DNAH17: variants seen among roughly 807,000 people sequenced by gnomAD.
DNAH17 encodes dynein axonemal heavy chain 17, also known as axonemal beta dynein heavy chain 17.
DNAH17 carries 376 observed loss-of-function variants against 485.6 expected under a neutral mutation model. The ratio of observed to expected loss-of-function variants is 0.77; its 90% CI spans 0.71 to 0.84. The LOEUF (loss-of-function observed/expected upper bound fraction) is 0.84. Ranked by LOEUF, DNAH17 falls within the 40% of genes least tolerant of loss-of-function variation. DNAH17 has a pLI of 0.00. For synonymous variants in DNAH17, 3,031 were observed against 2,405.9 expected, an observed-to-expected ratio of 1.26 and a Z score of -7.60; for missense variants, 6,370 against 5,839.3, an observed-to-expected ratio of 1.09 and a Z score of -2.96.
intron 72 of DNAH17, among the ~76,000 whole-genome samples, 160 bp downstream of exon 72, chr17:78,440,888 CTCG>C (rs1362606987): frequency 6.6e-6 from 1 of 152,230 alleles, no homozygotes; most frequent in Non-Finnish European, 1.5e-5. Flanking sequence ...GGCCTCACAA[CTCG>C]TGTTATTTTC....
intron 17 of DNAH17, among the ~76,000 whole-genome samples, chr17:78,543,526 A>T (rs965497601): frequency 6.7e-6 from 1 of 150,080 alleles, no homozygotes; most frequent in Non-Finnish European, 1.5e-5. Context: ...TCCTGACCTC[A>T]TGATCCACCC....
intron 14 of DNAH17, among the ~76,000 whole-genome samples, chr17:78,554,205 C>T (rs370084307): frequency 4.6e-5 from 7 of 151,936 alleles, no homozygotes; most frequent in East Asian, 3.8e-4. Flanking sequence ...TTTGGGAGGC[C>T]GAGGCAGGCA....
intron 9 of DNAH17, among the ~76,000 whole-genome samples, chr17:78,568,233 T>C (rs911672273): frequency 1.3e-5 from 2 of 152,096 alleles, no homozygotes; most frequent in African/African-American, 2.4e-5. Flanking sequence ...TGGCCCAAAG[T>C]GTGACTGTGA....
Position 78,427,033 on chromosome 17 carries a change from C to A in DNAH17, c.12664G>T (p.Ala4222Ser). ...FNMAEIMAKA[A>S]EKTPYVVVAF... ...ACTACCACGTAGGGGGTCTTTTCCG[C>A]TGCCTTTGCCATGATCTCAGCCATG... The change falls in exon 78 of 81, where the codon GCG becomes TCG. Residue 4222 changes from alanine to serine, a missense_variant. Ala to Ser is a moderately conservative substitution (Grantham distance 99, BLOSUM62 1). Transcript: ENST00000389840. The A allele has an allele frequency of 6.2e-7, 1 of 1,605,290 alleles. No individual in the cohort carries two copies. Among genetic ancestry groups the A allele is most frequent in the East Asian group, 2.2e-5 (1 of 44,636 alleles).
chr17:78,461,706 C>T lies in DNAH17; in HGVS notation c.9177G>A (p.Val3059=), dbSNP rs1045928001. The T allele has an allele frequency of 6.2e-6, 10 of 1,609,612 alleles. No individual in the cohort carries two copies. The highest frequency in any genetic ancestry group is 8.5e-6 in the Non-Finnish European group (10 of 1,178,144). The change falls in exon 58 of 81, where the codon GTG becomes GTA. Residue 3059 remains valine (V), a splice_region_variant and synonymous_variant. Coordinates refer to ENST00000389840, the MANE Select transcript of DNAH17 (RefSeq NM_173628.4). ...TCGCCAACTTGGCTTTCAAATCATCCACCTGGGGAAGGAGAAACCGAGAAA... is the reference window on the plus strand; with the variant it reads ...TCGCCAACTTGGCTTTCAAATCATCTACCTGGGGAAGGAGAAACCGAGAAA... ...LMKLQSTASQ[V]DDLKAKLAIQ... is the part of the protein sequence containing the mutation.
intron 54 of DNAH17, among the ~76,000 whole-genome samples, chr17:78,469,777 G>T (rs377132466): frequency 6.6e-6 from 1 of 152,182 alleles, no homozygotes; most frequent in African/African-American, 2.4e-5. Flanking sequence ...GCTATAGCAC[G>T]GACAGACCTT....
chr17:78,476,768 T>C, intron 51 of DNAH17, 35 bp from the exon 52 acceptor site: 1 of 1,601,220 alleles, frequency 6.2e-7, no homozygotes, highest in Non-Finnish European at 8.5e-7. Context: ...CACCGTCAGC[T>C]GTTACGAAGG....
In DNAH17 at chr17:78,463,405, C is replaced by A. The variant is rs140381031; in HGVS notation, c.8941-328G>T. On this transcript the variant is annotated intron_variant, in intron 56 of 80. Coordinates refer to ENST00000389840, the MANE Select transcript of DNAH17 (RefSeq NM_173628.4). The stretch of plus-strand genomic sequence containing the variant: ...ATACCTGCATATATACGCGTGCACA[C>A]GCATTCACATACCTGCATATATACA... Among the ~76,000 whole-genome samples, 18 of 150,142 alleles carry A rather than the reference C, an allele frequency of 1.2e-4. No individual in the cohort carries two copies. In the East Asian group the frequency reaches 3.5e-3, roughly 29 times the overall value.
At chr17:78,518,654 A>C (rs545932545) in intron 25 of DNAH17, among the ~76,000 whole-genome samples, 4 of 152,326 alleles carry the variant, frequency 2.6e-5, no homozygotes, top group African/African-American at 9.6e-5. Context: ...ACAGGATCTA[A>C]TTGACACGTA....
chr17:78,473,359 A>G (rs905869170), intron 54 of DNAH17, among the ~76,000 whole-genome samples: 8 of 152,052 alleles, frequency 5.3e-5, no homozygotes, highest in African/African-American at 1.7e-4. Flanking sequence ...CCAGGCTAAC[A>G]CGGTGAAACC....
rs577280524 is a variant in DNAH17, at chr17:78,472,535, T to C, written c.8511+2743A>G. Reference sequence around the variant, plus strand: ...CCCCTCATTCTGCTGACAGGCTTTCTTCATGGGGCAGCCCAGCTCTGGCTG... The same window carrying C: ...CCCCTCATTCTGCTGACAGGCTTTCCTCATGGGGCAGCCCAGCTCTGGCTG... On this transcript the variant is annotated intron_variant, in intron 54 of 80. Coordinates refer to ENST00000389840, the MANE Select transcript of DNAH17 (RefSeq NM_173628.4). 356 of 283,672 alleles carry C rather than the reference T, an allele frequency of 1.3e-3. 2 individuals carry two copies. The highest frequency in any genetic ancestry group is 8.0e-3 in the African/African-American group (341 of 42,848). The allele number at this position is 283,672 out of a possible 1,614,324, so 17.6% of individuals were successfully genotyped here.
At chr17:78,537,887 C>T (rs1043708115) in intron 18 of DNAH17, among the ~76,000 whole-genome samples, 16 of 152,076 alleles carry the variant, frequency 1.1e-4, no homozygotes, top group Admixed American at 1.3e-4. Flanking sequence ...GCCTGTAATC[C>T]CAGCACTTTG....
chr17:78,526,822 C>T (rs1330867523), intron 23 of DNAH17, 58 bp downstream of exon 23: 9 of 1,558,376 alleles, frequency 5.8e-6, no homozygotes, highest in Non-Finnish European at 7.8e-6. Flanking sequence ...CCGCAGGGCC[C>T]TGGGTGAGCC....
intron 43 of DNAH17, 24 bp downstream of exon 43, chr17:78,491,419 G>T: frequency 1.9e-6 from 3 of 1,609,218 alleles, no homozygotes; most frequent in Non-Finnish European, 1.7e-6. Context: ...TGGCCTTGGG[G>T]CTTAGAGTCC....
intron 3 of DNAH17, 68 bp from the exon 4 acceptor site, chr17:78,571,850 A>G: frequency 6.9e-7 from 1 of 1,452,006 alleles, no homozygotes; most frequent in Non-Finnish European, 9.3e-7. Flanking sequence ...AAGCTCTCCC[A>G]TGAATCCTTC....
intron 79 of DNAH17, 133 bp downstream of exon 79, chr17:78,426,324 C>G (rs1568033739): frequency 8.6e-7 from 1 of 1,163,444 alleles, no homozygotes; most frequent in Non-Finnish European, 1.2e-6. Flanking sequence ...CCTTCTGGCC[C>G]TGATCTGACA....
intron 17 of DNAH17, 55 bp from the exon 18 acceptor site, chr17:78,539,935 G>C: frequency 2.0e-6 from 3 of 1,504,184 alleles, no homozygotes; most frequent in Non-Finnish European, 2.7e-6. Flanking sequence ...CTTGCTCTTT[G>C]ATCACACTGT....
In DNAH17 at chr17:78,506,742, G is replaced by T; in HGVS notation, c.4781C>A (p.Ser1594Tyr). The change falls in exon 30 of 81, where the codon TCC (serine) becomes TAC (tyrosine). Residue 1594 changes from serine (S) to tyrosine (Y), a missense_variant. Ser to Tyr is a moderately radical substitution (Grantham distance 144). Transcript: ENST00000389840. ...TACCTCCACGGGGTCATTGCCATTG[G>T]AGAGAATGTCCAGGAGGTCAGCCGA... ...VSSADLLDILSNGNDPVEVSR... is the reference protein window; with the variant it reads ...VSSADLLDILYNGNDPVEVSR... The T allele has an allele frequency of 2.5e-6, 4 of 1,613,984 alleles. No homozygotes were observed. Among genetic ancestry groups the T allele is most frequent in the Non-Finnish European group, 1.7e-6 (2 of 1,179,876 alleles).
intron 40 of DNAH17, 166 bp from the exon 41 acceptor site, chr17:78,494,339 A>G (rs2089985555): frequency 1.8e-6 from 2 of 1,137,734 alleles, no homozygotes; most frequent in South Asian, 3.2e-5. Flanking sequence ...GAGTTGACAT[A>G]GCTCCACCGC....
Sources: gnomAD v4.1 joint callset for allele counts (sites outside exome capture counted in the v4.1 genomes callset) on GRCh38, gnomAD v4.1.1 for gene constraint, MANE v1.5 for transcripts, NCBI Gene and HGNC (gene_info 2026-07-23, HGNC 2026-07-21) for gene names.